Variants in HEPH observed in about 807,000 individuals in gnomAD.
The protein encoded by HEPH is hephaestin.
HEPH carries 69 observed loss-of-function variants against 80.8 expected under a neutral mutation model. The ratio of observed to expected loss-of-function variants is 0.85; its 90% confidence interval spans 0.70 to 1.04. The LOEUF (loss-of-function observed/expected upper bound fraction) is 1.04. Among genes scored for constraint, HEPH ranks in the 50% least tolerant of loss-of-function variants. HEPH has a pLI of 0.00. For missense variants in HEPH, 1,115 were observed against 891.3 expected, an observed-to-expected ratio of 1.25 and a Z score of -3.20; for synonymous variants, 431 against 322.8, an observed-to-expected ratio of 1.34 and a Z score of -3.60.
At chrX:66,186,988 A>AT (rs1203488894) in intron 4 of HEPH, among the ~76,000 whole-genome samples, 1 of 110,033 alleles carries the variant, frequency 9.1e-6, no homozygotes, top group East Asian at 2.9e-4. Context: ...CAGACTCTGA[A>AT]TTTTTTTCTT....
rs1240268477 is a variant in HEPH, at chrX:66,195,150, C to T, written c.1422C>T (p.Asn474=). ...VGDTIQVVFY[N]RASQPFSMQP... ...ACACCATTCAGGTGGTCTTCTACAA[C>T]CGTGCCTCCCAGCCATTCAGCATGC... The change falls in exon 9 of 21, where the codon AAC becomes AAT. Residue 474 remains asparagine (N), a synonymous_variant. Coordinates refer to ENST00000343002, the MANE Select transcript of HEPH (RefSeq NM_001367233.3). The T allele has an allele frequency of 1.7e-6, 2 of 1,204,291 alleles. No individual in the cohort carries two copies. Among genetic ancestry groups the T allele is most frequent in the Non-Finnish European group, 2.2e-6 (2 of 891,433 alleles).
At chrX:66,192,047 CACTA>C in intron 6 of HEPH, 79 bp from the exon 7 acceptor site, 8 of 978,310 alleles carry the variant, frequency 8.2e-6, no homozygotes, top group Non-Finnish European at 1.1e-5. Context: ...GTGGAGGAAA[CACTA>C]ACAGAAGGAG....
rs2087028718 is a variant in HEPH, at chrX:66,180,110, T to C, written c.625+6309T>C. Among the ~76,000 whole-genome samples, 4 of 111,737 alleles carry C rather than the reference T, an allele frequency of 3.6e-5. No individual in the cohort carries two copies. The South Asian group carries it at 1.5e-3, about 42-fold the overall frequency. On this transcript the variant is annotated intron_variant, in intron 4 of 20. Transcript: ENST00000343002. ...TATTGAGATATGAGGTACCATAGCA[T>C]TCATCATGCTATTTGTTGCCTGTGT... is the stretch of plus-strand genomic sequence containing the variant.
intron 2 of HEPH, among the ~76,000 whole-genome samples, chrX:66,171,676 C>G (rs192327436): frequency 1.8e-5 from 2 of 111,765 alleles, no homozygotes; most frequent in East Asian, 2.8e-4. Flanking sequence ...GAGTCAGAGT[C>G]CTTGTATTAA....
At chrX:66,237,102 G>T (rs140996336) in intron 15 of HEPH, among the ~76,000 whole-genome samples, 32 of 108,722 alleles carry the variant, frequency 2.9e-4, no homozygotes, top group African/African-American at 1.0e-3. Flanking sequence ...TTTTTTTTGT[G>T]TGTGTTTGTG....
chrX:66,213,839 A>G (rs755389498), intron 15 of HEPH, among the ~76,000 whole-genome samples: 6 of 112,542 alleles, frequency 5.3e-5, no homozygotes, highest in African/African-American at 1.9e-4. Context: ...TGCCTTTGTC[A>G]ATAGCAATGG....
At chrX:66,244,901 T>G in intron 15 of HEPH, among the ~76,000 whole-genome samples, 1 of 110,577 alleles carries the variant, frequency 9.0e-6, no homozygotes, top group Non-Finnish European at 1.9e-5. Context: ...AATGTTTTTT[T>G]TTTTTTAAGT....
At chrX:66,252,825 A>C (rs758040144) in intron 15 of HEPH, among the ~76,000 whole-genome samples, 1 of 109,758 alleles carries the variant, frequency 9.1e-6, no homozygotes, top group Admixed American at 9.6e-5. Flanking sequence ...ATTGATTTTC[A>C]ACAAAAGTGC....
At chrX:66,170,455 A>T in intron 1 of HEPH, 103 bp from the exon 2 acceptor site, 1 of 670,559 alleles carries the variant, frequency 1.5e-6, no homozygotes, top group Non-Finnish European at 2.2e-6. Flanking sequence ...TTGCTTTCTC[A>T]GTCACTCAAC....
intron 15 of HEPH, among the ~76,000 whole-genome samples, chrX:66,250,326 C>T (rs2090958550): frequency 5.4e-5 from 6 of 111,788 alleles, no homozygotes; most frequent in Admixed American, 4.8e-4. Context: ...CCTTGAGATT[C>T]AGACCAAGCC....
chrX:66,226,806 CCAA>C (rs2089911312), intron 15 of HEPH, among the ~76,000 whole-genome samples: 1 of 111,073 alleles, frequency 9.0e-6, no homozygotes, highest in African/African-American at 3.3e-5. Context: ...AAAAAAATTG[CCAA>C]CAACAACAAA....
chrX:66,191,610 A>G (rs1160805612), intron 6 of HEPH, among the ~76,000 whole-genome samples: 1 of 112,162 alleles, frequency 8.9e-6, no homozygotes, highest in African/African-American at 3.2e-5. Context: ...TTACGGTCCC[A>G]AGTCTGAAGC....
chrX:66,179,735 G>A (rs774261934), intron 4 of HEPH, among the ~76,000 whole-genome samples: 62 of 111,165 alleles, frequency 5.6e-4, no homozygotes, highest in Non-Finnish European at 9.6e-4. Context: ...AGGTCTATTA[G>A]TAATTGTTTT....
chrX:66,216,939 C>T (rs777159302), intron 15 of HEPH, among the ~76,000 whole-genome samples: 7 of 111,447 alleles, frequency 6.3e-5, no homozygotes, highest in Non-Finnish European at 1.3e-4. Context: ...AGAATAGCTT[C>T]AGAATTCAAA....
At chrX:66,169,710 T>C (rs2086507329) in intron 1 of HEPH, among the ~76,000 whole-genome samples, 1 of 112,328 alleles carries the variant, frequency 8.9e-6, no homozygotes, top group Non-Finnish European at 1.9e-5. Flanking sequence ...TATAGCTCAA[T>C]GTATTTTCAC....
chrX:66,191,593 A>T (rs775480851), intron 6 of HEPH, among the ~76,000 whole-genome samples: 1 of 111,876 alleles, frequency 8.9e-6, no homozygotes, highest in South Asian at 3.8e-4. Context: ...TAGAATCTAC[A>T]TTTTCCTTAC....
chrX:66,203,450 C>G lies in HEPH; in HGVS notation c.2164C>G (p.Gln722Glu), dbSNP rs372982785. The change falls in exon 13 of 21, where the codon CAA becomes GAA. Residue 722 changes from glutamine (Q) to glutamate (E), a missense_variant. Physicochemically the swap from Gln to Glu is conservative, Grantham distance 29. Around this residue, in one of 3 missense-constraint regions of HEPH, gnomAD observed 716 missense variants for 523.5 expected, o/e 1.37. Transcript: ENST00000343002. ...TAATGTCTCCCAGTGTCCTGGCCAC[C>G]AAGCCACCCCTCGCCAACGCTACCA... ...IYNVSQCPGH[Q>E]ATPRQRYQAA... The G allele has an allele frequency of 9.9e-6, 12 of 1,210,613 alleles. No homozygotes were observed. Among genetic ancestry groups the G allele is most frequent in the Non-Finnish European group, 1.2e-5 (11 of 895,001 alleles).
intron 15 of HEPH, among the ~76,000 whole-genome samples, chrX:66,228,026 G>A (rs775922263): frequency 9.9e-5 from 11 of 111,438 alleles, no homozygotes; most frequent in South Asian, 3.8e-4. Context: ...TCCTGCTGCT[G>A]ATAAATACAT....
At position 66,198,426 on chromosome X, in the gene HEPH, G is replaced by T. The variant is rs138819612; in HGVS notation, c.1714-452G>T. ...TTAATTAAAATAACCCATATAAAGTGCCTAGCACAGTGTCTGGCACATATT... is the reference window on the plus strand; with the variant it reads ...TTAATTAAAATAACCCATATAAAGTTCCTAGCACAGTGTCTGGCACATATT... On this transcript the variant is annotated intron_variant, in intron 10 of 20. Transcript: ENST00000343002. Among the ~76,000 whole-genome samples, 359 of 111,825 alleles carry T rather than the reference G, an allele frequency of 3.2e-3. 4 individuals are homozygous for T. The highest frequency in any genetic ancestry group is 0.011 in the African/African-American group (341 of 30,723).
Sources: allele counts gnomAD v4.1 joint callset (sites outside exome capture counted in the v4.1 genomes callset), GRCh38; gene constraint gnomAD v4.1.1; regional missense constraint gnomAD v4.1.1; transcripts MANE v1.5; gene names NCBI Gene and HGNC (gene_info 2026-07-23, HGNC 2026-07-21).